The following INTS8 variants were observed in gnomAD, a reference collection of about 807,000 sequenced individuals.
INTS8 encodes integrator complex subunit 8.
A neutral mutation model predicts 138.9 loss-of-function variants in INTS8; 47 were observed. The ratio of observed to expected loss-of-function variants is 0.34; its 90% CI spans 0.27 to 0.43. The LOEUF is 0.43. INTS8 is among the 20% of genes least tolerant of loss of function. The probability of loss-of-function intolerance (pLI) is 1.00; values close to 1 mark genes in which losing one functional copy is unlikely to be tolerated. For missense variants in INTS8, 996 were observed against 1,173.0 expected (o/e 0.85, Z 2.20); for synonymous variants, 392 against 400.9 (o/e 0.98, Z 0.27).
intron 20 of INTS8, among the ~76,000 whole-genome samples, chr8:94,870,443 TGACCCAGA>T (rs1472390773): frequency 6.6e-6 from 1 of 152,208 alleles, no homozygotes; most frequent in Non-Finnish European, 1.5e-5. Context: ...TACTTTAAAT[TGACCCAGA>T]GAAAACAAAA....
intron 10 of INTS8, among the ~76,000 whole-genome samples, chr8:94,847,063 C>T (rs1191569187): frequency 1.3e-5 from 2 of 151,908 alleles, no homozygotes; most frequent in South Asian, 2.1e-4. Flanking sequence ...TTTTTTGAGA[C>T]GAAGTCTTAC....
intron 16 of INTS8, among the ~76,000 whole-genome samples, chr8:94,864,175 T>C (rs1478566868): frequency 6.6e-6 from 1 of 152,186 alleles, no homozygotes; most frequent in African/African-American, 2.4e-5. Context: ...GAACTTTTTT[T>C]TTTATTTTTC....
chr8:94,873,293 A>G (rs2131074468), intron 21 of INTS8, 81 bp from the exon 22 acceptor site: 2 of 909,192 alleles, frequency 2.2e-6, no homozygotes, highest in East Asian at 2.4e-5. Context: ...TAACTTATGA[A>G]GTTACACCTG....
At chr8:94,829,169 A>G (rs1440713564) in intron 5 of INTS8, 143 bp downstream of exon 5, 7 of 660,944 alleles carry the variant, frequency 1.1e-5, no homozygotes, top group East Asian at 2.8e-5. Context: ...GGGGGCGAGG[A>G]TGATTTCAGG....
chr8:94,823,562 G>A lies in INTS8; in HGVS notation c.130+1G>A. On this transcript the variant is annotated splice_donor_variant, in intron 1 of 26. Coordinates refer to ENST00000523731, the MANE Select transcript of INTS8 (RefSeq NM_017864.4). LOFTEE classifies it high-confidence loss of function. ...AAACATCTGCGCAAGCCCTGCCCGG[G>A]TGAGCGCGGCGCCTGCACCTGGGGA... 6.4e-7 allele frequency: 1 copy of A among 1,568,224 alleles called. No individual in the cohort carries two copies.
chr8:94,857,711 CT>C (rs1256340952), intron 15 of INTS8, among the ~76,000 whole-genome samples: 1 of 152,178 alleles, frequency 6.6e-6, no homozygotes, highest in Admixed American at 6.5e-5. Context: ...GGCCTTCCCC[CT>C]GTGTATGTCT....
chr8:94,829,314 A>G (rs1050767640), intron 5 of INTS8, among the ~76,000 whole-genome samples: 1 of 151,786 alleles, frequency 6.6e-6, no homozygotes, highest in Admixed American at 6.6e-5. Flanking sequence ...CTGCAACTAG[A>G]TGGTCCCATT....
At position 94,850,058 on chromosome 8, in the gene INTS8, A is replaced by G. The variant is rs139452211; in HGVS notation, c.1474A>G (p.Ile492Val). ...RKRSPRVNLC[I>V]KPVTSFYDIP... The stretch of plus-strand genomic sequence containing the variant: ...GAGATCCCCTAGAGTAAATCTGTGC[A>G]TTAAACCTGTAACTTCATTTTATGA... The change falls in exon 12 of 27, where the codon ATT becomes GTT. Residue 492 changes from isoleucine (I) to valine (V), a missense_variant. By Grantham distance (29) the Ile-to-Val change is conservative. Transcript: ENST00000523731. The G allele has an allele frequency of 1.9e-5, 31 of 1,607,868 alleles. No individual in the cohort carries two copies. The African/African-American group carries it at 2.9e-4, about 15-fold the overall frequency.
intron 10 of INTS8, among the ~76,000 whole-genome samples, chr8:94,843,472 C>A (rs562980280): frequency 1.3e-5 from 2 of 151,918 alleles, no homozygotes; most frequent in African/African-American, 4.8e-5. Flanking sequence ...GAGGCTGAGG[C>A]AGGAGAATCG....
chr8:94,859,235 C>T (rs139687807), intron 15 of INTS8, among the ~76,000 whole-genome samples: 2 of 151,764 alleles, frequency 1.3e-5, no homozygotes, highest in African/African-American at 2.4e-5. Flanking sequence ...GAACCATAAT[C>T]ACACCACTGC....
chr8:94,853,127 C>T (rs1302256595), intron 13 of INTS8, among the ~76,000 whole-genome samples: 3 of 151,934 alleles, frequency 2.0e-5, no homozygotes, highest in Admixed American at 2.0e-4. Context: ...ACCTAGGCAA[C>T]ATAGCGAAAC....
At chr8:94,838,285 T>G (rs182603754) in intron 7 of INTS8, among the ~76,000 whole-genome samples, 178 bp from the exon 8 acceptor site, 587 of 152,200 alleles carry the variant, frequency 3.9e-3, no homozygotes, top group Non-Finnish European at 6.9e-3. Flanking sequence ...CTCCCGACCT[T>G]GTGATCCGCC....
intron 9 of INTS8, among the ~76,000 whole-genome samples, chr8:94,841,953 C>T (rs1471581536): frequency 6.6e-6 from 1 of 151,968 alleles, no homozygotes; most frequent in Non-Finnish European, 1.5e-5. Context: ...CCTGTAGTCC[C>T]AGCCACTCAG....
In INTS8 at chr8:94,876,498, C is replaced by A. The variant is rs758172647; in HGVS notation, c.2871+9C>A. ...ATAAAAGACAAATTGCAGTAAGTTA[C>A]CTTATGCCTTTCTTCAGTGGTACAG... On this transcript the variant is annotated intron_variant, in intron 26 of 26. Transcript: ENST00000523731. 6.6e-7 allele frequency: 1 copy of A among 1,520,602 alleles called. No homozygotes were observed. The highest frequency in any genetic ancestry group is 1.2e-5 in the South Asian group (1 of 84,756). 94.2% of individuals were successfully genotyped at this position (1,520,602 alleles called of 1,614,324 possible).
At chr8:94,833,252 C>T (rs1005189652) in intron 6 of INTS8, among the ~76,000 whole-genome samples, 8 of 151,796 alleles carry the variant, frequency 5.3e-5, no homozygotes, top group Non-Finnish European at 7.4e-5. Flanking sequence ...TGGGAAGGTG[C>T]GTTTTCAGAT....
intron 20 of INTS8, chr8:94,868,655 T>TTTC (rs1453043608): frequency 2.0e-5 from 3 of 151,646 alleles, no homozygotes; most frequent in Non-Finnish European, 2.9e-5. Context: ...CAGTTTTTCT[T>TTTC]TTCTTTTCTT....
intron 21 of INTS8, among the ~76,000 whole-genome samples, chr8:94,872,526 G>A (rs1007016834): frequency 1.3e-5 from 2 of 152,124 alleles, no homozygotes; most frequent in African/African-American, 4.8e-5. Flanking sequence ...GAGCCCCTGC[G>A]CCCAGCATGA....
intron 14 of INTS8, among the ~76,000 whole-genome samples, chr8:94,854,390 G>A (rs1815669614): frequency 6.6e-6 from 1 of 152,106 alleles, no homozygotes; most frequent in South Asian, 2.1e-4. Flanking sequence ...TACTAAAATG[G>A]TCTTGATCAA....
At chr8:94,838,044 C>CTTTT (rs776858651) in intron 7 of INTS8, among the ~76,000 whole-genome samples, 1 of 134,328 alleles carries the variant, frequency 7.4e-6, no homozygotes, top group Non-Finnish European at 1.6e-5. Context: ...TTTTTCTTTT[C>CTTTT]TTTTTTTTTT....
Sources: gnomAD v4.1 joint callset for allele counts (sites outside exome capture counted in the v4.1 genomes callset) on GRCh38, gnomAD v4.1.1 for gene constraint, MANE v1.5 for transcripts, NCBI Gene and HGNC (gene_info 2026-07-23, HGNC 2026-07-21) for gene names.